Variants in ESR1 observed in about 807,000 individuals in gnomAD.
The protein encoded by ESR1 is estrogen receptor 1.
ESR1 carries 12 observed loss-of-function variants against 52.7 expected under a neutral mutation model. The ratio of observed to expected loss-of-function variants is 0.23; its 90% CI spans 0.15 to 0.37. ESR1 has a LOEUF of 0.37. ESR1 is among the 10% of genes least tolerant of loss of function. ESR1 has a pLI of 1.00. For missense variants in ESR1, 584 were observed against 779.7 expected, an observed-to-expected ratio of 0.75 and a Z score of 2.99; for synonymous variants, 305 against 316.8, an observed-to-expected ratio of 0.96 and a Z score of 0.39.
intron 2 of ESR1, among the ~76,000 whole-genome samples, chr6:151,720,626 C>G (rs750658068): frequency 6.6e-6 from 1 of 152,084 alleles, no homozygotes; most frequent in African/African-American, 2.4e-5. Flanking sequence ...GATCACGAAA[C>G]TCTTTAAAAA....
intron 2 of ESR1, among the ~76,000 whole-genome samples, chr6:151,753,445 G>A (rs1198025382): frequency 1.3e-5 from 2 of 151,796 alleles, no homozygotes; most frequent in Non-Finnish European, 2.9e-5. Flanking sequence ...AATCTCCTGA[G>A]TAGCTGGGAA....
chr6:151,683,645 C>T lies in ESR1; in HGVS notation n.74-18230C>T, dbSNP rs9479099. Among the ~76,000 whole-genome samples, 422 of 151,906 alleles carry T rather than the reference C, an allele frequency of 2.8e-3. 2 individuals carry two copies. Among genetic ancestry groups the T allele is most frequent in the African/African-American group, 9.7e-3 (403 of 41,430 alleles). ...TTGGCCACTTATCTAAGAGTGTTATCAAGTGTTCTGTAAATGTGTGAATTC... is the reference window on the plus strand; with the variant it reads ...TTGGCCACTTATCTAAGAGTGTTATTAAGTGTTCTGTAAATGTGTGAATTC... On this transcript the variant is annotated intron_variant and non_coding_transcript_variant, in intron 1 of 2. Coordinates refer to the ESR1 transcript ENST00000473497.
chr6:152,058,681 CCT>C (rs1491323670), intron 5 of ESR1, among the ~76,000 whole-genome samples: 1 of 151,800 alleles, frequency 6.6e-6, no homozygotes, highest in African/African-American at 2.4e-5. Flanking sequence ...TGGCTTTCTC[CCT>C]GTCTTGTTCC....
intron 5 of ESR1, among the ~76,000 whole-genome samples, chr6:152,049,678 G>T (rs769196642): frequency 6.6e-6 from 1 of 152,172 alleles, no homozygotes; most frequent in African/African-American, 2.4e-5. Flanking sequence ...GTTGAGGTTC[G>T]CCTGTGGAGG....
At chr6:152,065,721 C>G (rs2047913228) in intron 6 of ESR1, among the ~76,000 whole-genome samples, 1 of 152,180 alleles carries the variant, frequency 6.6e-6, no homozygotes. Flanking sequence ...CAAACCTTCT[C>G]CAGTTACCCG....
At chr6:151,896,196 A>C (rs1795472901) in intron 3 of ESR1, among the ~76,000 whole-genome samples, 1 of 152,220 alleles carries the variant, frequency 6.6e-6, no homozygotes, top group African/African-American at 2.4e-5. Flanking sequence ...TACTGGCTTC[A>C]TCGAATGATT....
intron 2 of ESR1, among the ~76,000 whole-genome samples, chr6:151,791,559 A>C (rs1372588993): frequency 6.6e-6 from 1 of 152,178 alleles, no homozygotes; most frequent in African/African-American, 2.4e-5. Flanking sequence ...ACATTGTTAC[A>C]GAGTTTCTGA....
At chr6:151,931,290 G>A (rs576176591) in intron 3 of ESR1, among the ~76,000 whole-genome samples, 2 of 152,106 alleles carry the variant, frequency 1.3e-5, no homozygotes, top group East Asian at 3.9e-4. Flanking sequence ...CCTTGGCCGT[G>A]TTGAATCAAT....
chr6:151,842,897 A>G (rs1294447790), intron 2 of ESR1, 110 bp downstream of exon 2: 7 of 897,308 alleles, frequency 7.8e-6, no homozygotes, highest in South Asian at 1.4e-5. Context: ...CAAAACATGA[A>G]TCCCTAGTAG....
intron 4 of ESR1, among the ~76,000 whole-genome samples, chr6:151,992,089 G>A: frequency 6.6e-6 from 1 of 152,096 alleles, no homozygotes; most frequent in East Asian, 1.9e-4. Flanking sequence ...ACTCAACAGT[G>A]AGCTCTTTGA....
At chr6:152,023,251 G>C (rs1650775448) in intron 5 of ESR1, among the ~76,000 whole-genome samples, 3 of 152,170 alleles carry the variant, frequency 2.0e-5, no homozygotes, top group African/African-American at 7.2e-5. Context: ...GAGGAAAACA[G>C]TGGGGCTCTA....
intron 1 of ESR1, among the ~76,000 whole-genome samples, chr6:151,812,885 A>G (rs1779033558): frequency 6.6e-6 from 1 of 152,126 alleles, no homozygotes; most frequent in Admixed American, 6.6e-5. Flanking sequence ...AAGGGACTTC[A>G]TGGAAAGGAG....
At chr6:151,992,807 T>C (rs1423203156) in intron 4 of ESR1, among the ~76,000 whole-genome samples, 1 of 152,162 alleles carries the variant, frequency 6.6e-6, no homozygotes, top group Admixed American at 6.6e-5. Flanking sequence ...ACCCCAGTGG[T>C]AGATAAGAGA....
rs117999213 is a variant in ESR1 at position 151,920,808 on chromosome 6, T to C, written c.761-23365T>C. Among the ~76,000 whole-genome samples the C allele has an allele frequency of 6.5e-3, 992 of 152,312 alleles. 6 individuals carry two copies. The highest frequency in any genetic ancestry group is 9.7e-3 in the Non-Finnish European group (659 of 68,016). On this transcript the variant is annotated intron_variant, in intron 3 of 7. Transcript: ENST00000206249. ...CATCAATATGACTTATCACTGTTGA[T>C]ATTAACCTTGATCATCTGGCTTGAG...
chr6:152,057,366 T>G (rs537080265), intron 5 of ESR1, among the ~76,000 whole-genome samples: 73 of 152,316 alleles, frequency 4.8e-4, no homozygotes, highest in Non-Finnish European at 9.3e-4. Flanking sequence ...TCAAAGTACA[T>G]AATTTTTATT....
At chr6:152,088,099 A>G (rs1406261278) in intron 6 of ESR1, among the ~76,000 whole-genome samples, 1 of 152,236 alleles carries the variant, frequency 6.6e-6, no homozygotes, top group Non-Finnish European at 1.5e-5. Context: ...ATAATTAAAA[A>G]TGTAATGTAT....
In ESR1 at chr6:152,100,835, A is replaced by T. The variant is rs2050941031; in HGVS notation, c.*1869A>T. 1 of 229,082 alleles carries T rather than the reference A, an allele frequency of 4.4e-6. No homozygotes were observed. The highest frequency in any genetic ancestry group is 8.6e-6 in the Non-Finnish European group (1 of 115,656). The allele number at this position is 229,082 out of a possible 1,614,324, so 14.2% of individuals were successfully genotyped here. A position where few individuals can be genotyped will look rare whatever the true frequency, so the allele number is the denominator to read the frequency against. The stretch of plus-strand genomic sequence containing the variant: ...GGGGACAATTTTATGTATCTGTGTT[A>T]AGGATATGTTTAAGAACATAATTCT... On this transcript the variant is annotated 3_prime_UTR_variant, in exon 8 of 8. Transcript: ENST00000206249.
At chr6:152,093,540 T>C (rs1216385097) in intron 6 of ESR1, among the ~76,000 whole-genome samples, 1 of 151,972 alleles carries the variant, frequency 6.6e-6, no homozygotes, top group African/African-American at 2.4e-5. Context: ...ATCTCAGAAA[T>C]AGGCTCTTAT....
chr6:151,923,318 T>C (rs929804579), intron 3 of ESR1, among the ~76,000 whole-genome samples: 6 of 152,226 alleles, frequency 3.9e-5, no homozygotes, highest in African/African-American at 1.4e-4. Context: ...TTTGGATACA[T>C]TGTGGTCTAT....
Sources: gnomAD v4.1 joint callset for allele counts (sites outside exome capture counted in the v4.1 genomes callset) on GRCh38, gnomAD v4.1.1 for gene constraint, MANE v1.5 for transcripts, NCBI Gene and HGNC (gene_info 2026-07-23, HGNC 2026-07-21) for gene names.